Variants in PTPN5 observed in about 807,000 individuals in gnomAD.
PTPN5 encodes protein tyrosine phosphatase non-receptor type 5.
Under a neutral mutation model 73.9 loss-of-function variants are expected in PTPN5, and 29 were observed. The observed-to-expected ratio is 0.39, with a 90% CI of 0.29 to 0.54. The LOEUF (loss-of-function observed/expected upper bound fraction) is 0.54, where lower values mean the gene tolerates loss of function less well. Ranked by LOEUF, PTPN5 falls within the 20% of genes least tolerant of loss-of-function variation. The pLI is 0.65. For missense variants in PTPN5, 652 were observed against 751.4 expected, an observed-to-expected ratio of 0.87 and a Z score of 1.55; for synonymous variants, 267 against 304.7, an observed-to-expected ratio of 0.88 and a Z score of 1.29.
chr11:18,735,143 T>C (rs1849059974), intron 9 of PTPN5, among the ~76,000 whole-genome samples: 1 of 152,216 alleles, frequency 6.6e-6, no homozygotes, highest in South Asian at 2.1e-4. Flanking sequence ...CTGACATTAT[T>C]ACAAGTTCCA....
chr11:18,790,899 G>A (rs1851888621), intron 1 of PTPN5, among the ~76,000 whole-genome samples: 1 of 152,144 alleles, frequency 6.6e-6, no homozygotes, highest in South Asian at 2.1e-4. Context: ...GATTCGTCTG[G>A]CCCTGATCTT....
intron 12 of PTPN5, among the ~76,000 whole-genome samples, chr11:18,732,252 C>G (rs1843005196): frequency 6.6e-6 from 1 of 152,194 alleles, no homozygotes; most frequent in South Asian, 2.1e-4. Flanking sequence ...CAATTATAAG[C>G]ACAGTGCTGG....
At chr11:18,787,494 G>A (rs1851724127) in intron 1 of PTPN5, among the ~76,000 whole-genome samples, 1 of 152,130 alleles carries the variant, frequency 6.6e-6, no homozygotes. Flanking sequence ...GATTGGCTCT[G>A]CCCACTCTCT....
At chr11:18,774,550 G>A (rs912732776) in intron 1 of PTPN5, among the ~76,000 whole-genome samples, 6 of 152,228 alleles carry the variant, frequency 3.9e-5, no homozygotes, top group African/African-American at 1.2e-4. Context: ...AGGAGCCCTC[G>A]TCCTGCCAAA....
chr11:18,765,477 G>C (rs976532394), intron 3 of PTPN5, among the ~76,000 whole-genome samples: 1 of 152,132 alleles, frequency 6.6e-6, no homozygotes, highest in Admixed American at 6.5e-5. Context: ...CTTACCTCTT[G>C]AAGTCAGCCC....
At chr11:18,775,720 T>A (rs1042248846) in intron 1 of PTPN5, among the ~76,000 whole-genome samples, 1 of 152,202 alleles carries the variant, frequency 6.6e-6, no homozygotes, top group African/African-American at 2.4e-5. Context: ...GGCTAGTCAT[T>A]TCCCTTATCT....
At chr11:18,743,557 G>A (rs933481385) in intron 4 of PTPN5, 128 bp from the exon 5 acceptor site, 59 of 798,178 alleles carry the variant, frequency 7.4e-5, no homozygotes, top group Non-Finnish European at 1.2e-4. Flanking sequence ...TCCAGACCGG[G>A]CAGCTGAGAG....
At chr11:18,769,531 T>C (rs1850783854) in intron 2 of PTPN5, among the ~76,000 whole-genome samples, 1 of 152,156 alleles carries the variant, frequency 6.6e-6, no homozygotes, top group African/African-American at 2.4e-5. Context: ...AGCCTCCCAG[T>C]AGCTGGGATT....
At chr11:18,730,166 A>G (rs1848812293) in intron 12 of PTPN5, 1 of 467,434 alleles carries the variant, frequency 2.1e-6, no homozygotes, top group East Asian at 3.4e-5. Context: ...CCTTTGTCAC[A>G]TAACCCAGCC....
intron 1 of PTPN5, among the ~76,000 whole-genome samples, chr11:18,777,869 C>T (rs979877413): frequency 6.6e-6 from 1 of 151,988 alleles, no homozygotes; most frequent in African/African-American, 2.4e-5. Context: ...CGCTTGAGCC[C>T]AAGACTTCAA....
intron 3 of PTPN5, among the ~76,000 whole-genome samples, chr11:18,764,698 C>CTTTGT (rs531773887): frequency 6.6e-5 from 10 of 151,934 alleles, no homozygotes; most frequent in South Asian, 6.2e-4. Flanking sequence ...AAAGACTTGT[C>CTTTGT]TTTGTTTTGT....
Position 18,742,280 on chromosome 11 carries a change from G to A in PTPN5, c.707C>T (p.Ser236Phe), listed in dbSNP as rs1849397904. The A allele has an allele frequency of 6.2e-7, 1 of 1,614,148 alleles. No homozygotes were observed. Among genetic ancestry groups the A allele is most frequent in the Non-Finnish European group, 8.5e-7 (1 of 1,180,014 alleles). ...EADPTSLTVK[S>F]MGLQERRGSN... ...CTCCCACCTCTCCTGCAGACCCATG[G>A]ACTTGACGGTGAGTGAGGTGGGGTC... The change falls in exon 7 of 15, where the codon TCC (serine) becomes TTC (phenylalanine). Residue 236 changes from serine to phenylalanine, a missense_variant. Physicochemically the swap from Ser to Phe is radical, Grantham distance 155. Around this residue, in one of 3 missense-constraint regions of PTPN5, gnomAD observed 529 missense variants for 573.9 expected, o/e 0.92. Transcript: ENST00000358540. This position sits in a 1 kb window ranked among gnomAD's most constrained non-coding sequence, Gnocchi z 4.1.
intron 3 of PTPN5, among the ~76,000 whole-genome samples, chr11:18,754,791 C>T (rs923835899): frequency 3.3e-5 from 5 of 152,228 alleles, no homozygotes; most frequent in Non-Finnish European, 7.3e-5. Context: ...ACTTTTCTCT[C>T]ATTGTAGGTG....
chr11:18,761,115 A>G (rs1217824849), intron 3 of PTPN5, among the ~76,000 whole-genome samples: 18 of 152,186 alleles, frequency 1.2e-4, no homozygotes, highest in Admixed American at 1.3e-4. Context: ...AGGACTGAGC[A>G]GGGGTGGTAT....
chr11:18,776,510 CT>C (rs1210285631), intron 1 of PTPN5, among the ~76,000 whole-genome samples: 1 of 152,120 alleles, frequency 6.6e-6, no homozygotes, highest in Non-Finnish European at 1.5e-5. Flanking sequence ...ATTACCGCAG[CT>C]TCCTTTTATT....
chr11:18,729,883 G>C lies in PTPN5; in HGVS notation c.1330-65C>G, dbSNP rs1369301431. On this transcript the variant is annotated intron_variant, in intron 12 of 14. Coordinates refer to ENST00000358540, the MANE Select transcript of PTPN5 (RefSeq NM_006906.2). The surrounding 1 kb of genome is among the most constrained non-coding windows in gnomAD (Gnocchi z 5.2). ...CTCTTTCAGCTCACAAACCAGCCCA[G>C]AGATAGAGATGAGATGGAAGGAGGA... 3.1e-6 allele frequency: 5 copies of C among 1,596,450 alleles called. No homozygotes were observed. The South Asian group carries it at 4.4e-5, about 14-fold the overall frequency.
intron 1 of PTPN5, among the ~76,000 whole-genome samples, chr11:18,780,781 C>A (rs1423420590): frequency 6.6e-6 from 1 of 152,172 alleles, no homozygotes; most frequent in East Asian, 1.9e-4. Flanking sequence ...AAAACCCCCT[C>A]TTTATCCCCC....
intron 3 of PTPN5, among the ~76,000 whole-genome samples, chr11:18,756,415 G>A (rs144203037): frequency 1.3e-4 from 19 of 150,314 alleles, no homozygotes; most frequent in African/African-American, 4.4e-4. Context: ...TTGTGCCTTA[G>A]CCTCCTGAGT....
intron 8 of PTPN5, 115 bp downstream of exon 8, chr11:18,740,488 G>C: frequency 1.1e-6 from 1 of 949,010 alleles, no homozygotes; most frequent in Non-Finnish European, 1.5e-6. Context: ...TGATAATAAA[G>C]TGATACTAAT....
Sources: gnomAD v4.1 joint callset for allele counts (sites outside exome capture counted in the v4.1 genomes callset) on GRCh38, gnomAD v4.1.1 for gene constraint, gnomAD v4.1.1 regional missense constraint, Gnocchi (gnomAD v3.1) non-coding constraint, MANE v1.5 for transcripts, NCBI Gene and HGNC (gene_info 2026-07-23, HGNC 2026-07-21) for gene names.